The following PPARGC1A variants were observed in gnomAD, a reference collection of about 807,000 sequenced individuals.
PPARGC1A encodes PPARG coactivator 1 alpha, also known as peroxisome proliferator-activated receptor gamma coactivator 1-alpha.
Under a neutral mutation model 88.7 loss-of-function variants are expected in PPARGC1A, and 25 were observed. That is an observed-to-expected ratio of 0.28 (90% CI 0.21 to 0.39). The LOEUF (loss-of-function observed/expected upper bound fraction) is 0.39. Among genes scored for constraint, PPARGC1A ranks in the 10% least tolerant of loss-of-function variants. The pLI, the probability that PPARGC1A is intolerant of heterozygous loss-of-function variation, is 1.00. For synonymous variants in PPARGC1A, 363 were observed against 355.6 expected (o/e 1.02, Z -0.24); for missense variants, 880 against 968.7 (o/e 0.91, Z 1.22).
intron 2 of PPARGC1A, among the ~76,000 whole-genome samples, chr4:23,871,212 A>G (rs1180140888): frequency 6.7e-6 from 1 of 149,760 alleles, no homozygotes; most frequent in Non-Finnish European, 1.5e-5. Context: ...CAGTTTGAAC[A>G]AATGTTGCAA....
chr4:24,097,840 C>T, the PPARGC1A span, among the ~76,000 whole-genome samples: 2 of 152,148 alleles, frequency 1.3e-5, no homozygotes, highest in African/African-American at 4.8e-5. Context: ...ACTGCAGTGA[C>T]ACCCATGGTT....
the PPARGC1A span, among the ~76,000 whole-genome samples, chr4:24,188,378 G>A: frequency 6.6e-6 from 1 of 152,226 alleles, no homozygotes; most frequent in African/African-American, 2.4e-5. Flanking sequence ...AACGAAAGGT[G>A]AGTCTGGAGA....
the PPARGC1A span, among the ~76,000 whole-genome samples, chr4:23,925,958 G>T: frequency 6.6e-6 from 1 of 152,110 alleles, no homozygotes; most frequent in Non-Finnish European, 1.5e-5. Flanking sequence ...GGTGTTAGTT[G>T]GGCTCCTAAG....
chr4:23,947,017 C>T, the PPARGC1A span, among the ~76,000 whole-genome samples: 1 of 152,010 alleles, frequency 6.6e-6, no homozygotes, highest in Non-Finnish European at 1.5e-5. Context: ...TACTAATCAG[C>T]CCCTGGCTAT....
At chr4:24,165,643 T>A in the PPARGC1A span, among the ~76,000 whole-genome samples, 1 of 152,330 alleles carries the variant, frequency 6.6e-6, no homozygotes, top group East Asian at 1.9e-4. Flanking sequence ...TATTTCAAGC[T>A]TTTTCATTAT....
At chr4:24,254,530 G>C in the PPARGC1A span, among the ~76,000 whole-genome samples, 1 of 152,162 alleles carries the variant, frequency 6.6e-6, no homozygotes, top group African/African-American at 2.4e-5. Context: ...AACTTCCATG[G>C]CCTGGGCAGA....
chr4:24,242,852 C>A, the PPARGC1A span, among the ~76,000 whole-genome samples: 2 of 152,188 alleles, frequency 1.3e-5, no homozygotes, highest in South Asian at 4.2e-4. Context: ...CCCTCACCAT[C>A]CCTCCCAGCC....
chr4:23,978,749 G>A, the PPARGC1A span, among the ~76,000 whole-genome samples: 3 of 152,170 alleles, frequency 2.0e-5, no homozygotes, highest in Non-Finnish European at 2.9e-5. Context: ...TTTATTTAAA[G>A]CGACTGGGGA....
chr4:24,225,562 A>AC, the PPARGC1A span, among the ~76,000 whole-genome samples: 1 of 151,450 alleles, frequency 6.6e-6, no homozygotes, highest in African/African-American at 2.4e-5. Flanking sequence ...CAAAAACAAA[A>AC]CAAAATAAAA....
chr4:24,421,396 C>T, the PPARGC1A span, among the ~76,000 whole-genome samples: 3 of 151,592 alleles, frequency 2.0e-5, no homozygotes, highest in Non-Finnish European at 2.9e-5. Context: ...CTGCAAGCTC[C>T]GCCTCCCGGG....
At chr4:24,325,471 C>T in the PPARGC1A span, among the ~76,000 whole-genome samples, 3 of 152,284 alleles carry the variant, frequency 2.0e-5, no homozygotes, top group Admixed American at 6.5e-5. Context: ...ACCTCCTCCC[C>T]CAGGAGCTTG....
intron 2 of PPARGC1A, chr4:23,881,946 TTTCATACGAACC>T: frequency 6.6e-6 from 1 of 152,302 alleles, no homozygotes; most frequent in South Asian, 2.1e-4. Context: ...AGTTATCTGG[TTTCATACGAACC>T]TTCTTCACAG....
intron 12 of PPARGC1A, among the ~76,000 whole-genome samples, chr4:23,800,588 G>A (rs1397947906): frequency 6.6e-6 from 1 of 150,484 alleles, no homozygotes; most frequent in African/African-American, 2.4e-5. Context: ...AGTAGAATTT[G>A]GAAGTTTATA....
At chr4:24,337,370 C>T in the PPARGC1A span, among the ~76,000 whole-genome samples, 4 of 152,298 alleles carry the variant, frequency 2.6e-5, no homozygotes, top group Non-Finnish European at 5.9e-5. Context: ...AGTTATTTGC[C>T]AGGCCCTGTG....
the PPARGC1A span, among the ~76,000 whole-genome samples, chr4:24,268,093 A>G: frequency 6.6e-6 from 1 of 152,260 alleles, no homozygotes; most frequent in Non-Finnish European, 1.5e-5. Context: ...TCATTAAAAT[A>G]TAAAGTTCTG....
the PPARGC1A span, among the ~76,000 whole-genome samples, chr4:24,299,803 C>T: frequency 2.0e-5 from 3 of 151,958 alleles, no homozygotes; most frequent in Non-Finnish European, 4.4e-5. Flanking sequence ...CATCTCAAAT[C>T]GAAATATGAA....
At chr4:23,891,267 G>A (rs1198418113), upstream of PPARGC1A, among the ~76,000 whole-genome samples, 1 of 152,114 alleles carries the variant, frequency 6.6e-6, no homozygotes, top group Non-Finnish European at 1.5e-5. Flanking sequence ...AGATGTACAC[G>A]TGTATGTATC....
the PPARGC1A span, among the ~76,000 whole-genome samples, chr4:24,371,786 CAA>C: frequency 5.3e-5 from 7 of 132,088 alleles, no homozygotes; most frequent in Non-Finnish European, 8.1e-5. Flanking sequence ...ACAAAAAATA[CAA>C]AAAAAAAAAA....
the PPARGC1A span, among the ~76,000 whole-genome samples, chr4:24,417,029 C>CAA: frequency 0.036 from 4,429 of 123,616 alleles, 107 homozygotes; most frequent in East Asian, 0.1. Context: ...GATTCCATCT[C>CAA]AAAAAAAAAA....
Sources: gnomAD v4.1 joint callset for allele counts (sites outside exome capture counted in the v4.1 genomes callset) on GRCh38, gnomAD v4.1.1 for gene constraint, MANE v1.5 for transcripts, NCBI Gene and HGNC (gene_info 2026-07-23, HGNC 2026-07-21) for gene names.